Variants in MPHOSPH10 observed in about 807,000 individuals in gnomAD.
MPHOSPH10 encodes the protein M-phase phosphoprotein 10, also known as U3 small nucleolar ribonucleoprotein MPP10.
In MPHOSPH10, 33 loss-of-function variants were observed where a neutral mutation model predicts 77.3. That is an observed-to-expected ratio of 0.43 (90% confidence interval 0.32 to 0.57). MPHOSPH10 has a LOEUF of 0.57. MPHOSPH10 is among the 20% of genes least tolerant of loss of function. The probability of loss-of-function intolerance (pLI) is 0.07; values close to 1 mark genes in which losing one functional copy is unlikely to be tolerated. For missense variants in MPHOSPH10, 708 were observed against 780.1 expected (o/e 0.91, Z 1.10); for synonymous variants, 245 against 268.0 (o/e 0.91, Z 0.84).
chr2:71,143,900 T>A (rs1673658415), intron 7 of MPHOSPH10, among the ~76,000 whole-genome samples: 1 of 152,240 alleles, frequency 6.6e-6, no homozygotes, highest in African/African-American at 2.4e-5. Context: ...TAGTGCCATG[T>A]ACATGTATTT....
rs1323876382 is a variant in MPHOSPH10, at chr2:71,133,543, T to G, written c.735T>G (p.Asp245Glu). 6 of 1,606,434 alleles carry G rather than the reference T, an allele frequency of 3.7e-6. No homozygotes were observed. Among genetic ancestry groups the G allele is most frequent in the Non-Finnish European group, 5.1e-6 (6 of 1,177,328 alleles). ...DFFEDIDSDE[D>E]EGGLFGSKKL... is the part of the protein sequence containing the mutation. ...TTGAAGATATTGATTCTGATGAAGA[T>G]GAAGGGGGACTGTTTGGAAGTAAAA... Residue 245 changes from aspartate (D) to glutamate (E), a missense_variant, in exon 2 of 11, where the codon GAT becomes GAG. By Grantham distance (45) the Asp-to-Glu change is conservative. Around this residue, in one of 3 missense-constraint regions of MPHOSPH10, gnomAD observed 433 missense variants for 432.6 expected, o/e 1.00. Coordinates refer to ENST00000244230, the MANE Select transcript of MPHOSPH10 (RefSeq NM_005791.3).
chr2:71,138,476 T>C lies in MPHOSPH10; in HGVS notation c.1099-14T>C, dbSNP rs1219633770. The C allele has an allele frequency of 2.0e-6, 3 of 1,535,592 alleles. No individual in the cohort carries two copies. In the African/African-American group the frequency reaches 4.2e-5, roughly 22 times the overall value. On this transcript the variant is annotated splice_polypyrimidine_tract_variant and intron_variant, in intron 4 of 10. Coordinates refer to ENST00000244230, the MANE Select transcript of MPHOSPH10 (RefSeq NM_005791.3). ...TTTTCTAAATGTATACTAGTTATTT[T>C]ATCTCTTTCTTAGATGAATGAAAAA...
Position 71,133,402 on chromosome 2 carries a change from C to A in MPHOSPH10, c.594C>A (p.Ser198=). 6.2e-7 allele frequency: 1 copy of A among 1,613,988 alleles called. No individual in the cohort carries two copies. Among genetic ancestry groups the A allele is most frequent in the South Asian group, 1.1e-5 (1 of 91,054 alleles). The change falls in exon 2 of 11, where the codon TCC becomes TCA. Residue 198 remains serine (S), a synonymous_variant. Transcript: ENST00000244230. Reference sequence around the variant, plus strand: ...GACAGGGAAAACCAAGAGAAAAGTCCATAGTAGATGATAAATTCTTCAAAC... The same window carrying A: ...GACAGGGAAAACCAAGAGAAAAGTCAATAGTAGATGATAAATTCTTCAAAC... ...NKGQGKPREK[S]IVDDKFFKLS... is the part of the protein sequence containing the mutation.
chr2:71,147,677 GA>G lies in MPHOSPH10; in HGVS notation c.1558-311del, dbSNP rs557385218. Among the ~76,000 whole-genome samples the G allele has an allele frequency of 2.7e-4, 38 of 141,630 alleles. No homozygotes were observed. The South Asian group carries it at 4.3e-3, about 16-fold the overall frequency. The allele number at this position is 141,630 out of a possible 152,430, so 92.9% of individuals were successfully genotyped here. A position where few individuals can be genotyped will look rare whatever the true frequency, so the allele number is the denominator to read the frequency against. Reference sequence around the variant, plus strand: ...AACAGAGCAAGGCTCTGTCTCAAAAGAAAAAAAAAAAGAAAAAGAAATACAT... The same window carrying G: ...AACAGAGCAAGGCTCTGTCTCAAAAGAAAAAAAAAAGAAAAAGAAATACAT... On this transcript the variant is annotated intron_variant, in intron 8 of 10. Transcript: ENST00000244230.
At chr2:71,147,614 A>G (rs957956994) in intron 8 of MPHOSPH10, among the ~76,000 whole-genome samples, 5 of 152,082 alleles carry the variant, frequency 3.3e-5, no homozygotes, top group African/African-American at 9.7e-5. Flanking sequence ...GGGAGCTTGC[A>G]GTGAGCCGAG....
At position 71,133,135 on chromosome 2, in the gene MPHOSPH10, G is replaced by C; in HGVS notation, c.327G>C (p.Glu109Asp). ...INDEDISLLP[E>D]SEEQEREEDG... ...ATGAAGATATCAGTCTTCTCCCAGA[G>C]AGTGAAGAACAGGAACGTGAAGAGG... Residue 109 changes from glutamate (E) to aspartate (D), a missense_variant, in exon 2 of 11, where the codon GAG becomes GAC. By Grantham distance (45) the Glu-to-Asp change is conservative (BLOSUM62 2). Transcript: ENST00000244230. 13 of 1,614,128 alleles carry C rather than the reference G, an allele frequency of 8.1e-6. No individual in the cohort carries two copies. The highest frequency in any genetic ancestry group is 9.3e-6 in the Non-Finnish European group (11 of 1,180,002).
intron 5 of MPHOSPH10, 73 bp downstream of exon 5, chr2:71,138,704 TG>T: frequency 6.3e-7 from 1 of 1,590,796 alleles, no homozygotes; most frequent in Non-Finnish European, 8.6e-7. Flanking sequence ...AGATTTGGGG[TG>T]GTGTTTCTTT....
At chr2:71,142,363 C>T (rs1673629222) in intron 7 of MPHOSPH10, among the ~76,000 whole-genome samples, 1 of 152,190 alleles carries the variant, frequency 6.6e-6, no homozygotes, top group Non-Finnish European at 1.5e-5. Context: ...TGTACAGTTT[C>T]ATTTGAATCT....
In MPHOSPH10 at chr2:71,134,078, AAGC is replaced by A. The variant is rs1558752669; in HGVS notation, c.902_904del (p.Ala301del). ...GAAGATGATGAAATTGCTGAAGAAGAAGCAGAAGAACTAAGTATTTCGGAAACG... is the reference window on the plus strand; with the variant it reads ...GAAGATGATGAAATTGCTGAAGAAGAAGAAGAACTAAGTATTTCGGAAACG... On this transcript the variant is annotated inframe_deletion, in exon 3 of 11. Transcript: ENST00000244230. 6.2e-7 allele frequency: 1 copy of A among 1,608,470 alleles called. No homozygotes were observed. The highest frequency in any genetic ancestry group is 8.5e-7 in the Non-Finnish European group (1 of 1,177,814).
chr2:71,144,810 T>C lies in MPHOSPH10; in HGVS notation c.1557+272T>C, dbSNP rs556093560. On this transcript the variant is annotated intron_variant, in intron 8 of 10. Coordinates refer to ENST00000244230, the MANE Select transcript of MPHOSPH10 (RefSeq NM_005791.3). ...TACTGTTTTAACTTACCTCACACTT[T>C]AAAAGATCCTCAGCCGTAGCCACAG... Among the ~76,000 whole-genome samples, 7 of 152,184 alleles carry C rather than the reference T, an allele frequency of 4.6e-5. No individual in the cohort carries two copies. The East Asian group carries it at 1.2e-3, about 25-fold the overall frequency.
At chr2:71,135,985 G>A (rs748824819) in intron 4 of MPHOSPH10, among the ~76,000 whole-genome samples, 1 of 152,020 alleles carries the variant, frequency 6.6e-6, no homozygotes, top group Non-Finnish European at 1.5e-5. Context: ...GATTACAGGC[G>A]TGAGCCACTG....
intron 10 of MPHOSPH10, 103 bp downstream of exon 10, chr2:71,149,556 G>A: frequency 9.2e-7 from 1 of 1,081,478 alleles, no homozygotes; most frequent in South Asian, 1.5e-5. Context: ...CAGCCCACCT[G>A]CGGGATAGAG....
At chr2:71,135,561 T>G (rs1172997408) in intron 4 of MPHOSPH10, among the ~76,000 whole-genome samples, 1 of 151,936 alleles carries the variant, frequency 6.6e-6, no homozygotes, top group Non-Finnish European at 1.5e-5. Flanking sequence ...ATAAAAAAAT[T>G]TTTAAAGATA....
chr2:71,132,579 A>G (rs1448344871), intron 1 of MPHOSPH10, among the ~76,000 whole-genome samples: 1 of 152,262 alleles, frequency 6.6e-6, no homozygotes, highest in Non-Finnish European at 1.5e-5. Context: ...CATTGAATGA[A>G]TAAGTGAACA....
intron 8 of MPHOSPH10, among the ~76,000 whole-genome samples, chr2:71,146,543 A>G (rs1014286171): frequency 9.2e-5 from 14 of 151,922 alleles, no homozygotes; most frequent in Admixed American, 3.9e-4. Context: ...TCACCATGTT[A>G]GCCAGGCTGG....
chr2:71,147,666 C>G (rs1035219387), intron 8 of MPHOSPH10, among the ~76,000 whole-genome samples: 1 of 151,162 alleles, frequency 6.6e-6, no homozygotes, highest in African/African-American at 2.4e-5. Context: ...GAGCAAGGCT[C>G]TGTCTCAAAA....
chr2:71,133,436 A>G lies in MPHOSPH10; in HGVS notation c.628A>G (p.Met210Val). 1 of 1,614,132 alleles carries G rather than the reference A, an allele frequency of 6.2e-7. No individual in the cohort carries two copies. Among genetic ancestry groups the G allele is most frequent in the Non-Finnish European group, 8.5e-7 (1 of 1,179,996 alleles). The change falls in exon 2 of 11, where the codon ATG (methionine) becomes GTG (valine). Residue 210 changes from methionine to valine, a missense_variant. Coordinates refer to ENST00000244230, the MANE Select transcript of MPHOSPH10 (RefSeq NM_005791.3). ...TGATAAATTCTTCAAACTCTCTGAA[A>G]TGGAGGCCTATTTAGAAAACATAGA... ...VDDKFFKLSE[M>V]EAYLENIEKE...
intron 7 of MPHOSPH10, among the ~76,000 whole-genome samples, chr2:71,142,347 AG>A (rs1389813007): frequency 6.6e-6 from 1 of 152,210 alleles, no homozygotes; most frequent in African/African-American, 2.4e-5. Flanking sequence ...TAGCTGAAGG[AG>A]GATGTGTACA....
At chr2:71,144,559 G>A (rs1327910702) in intron 8 of MPHOSPH10, 21 bp downstream of exon 8, 8 of 1,555,946 alleles carry the variant, frequency 5.1e-6, no homozygotes, top group African/African-American at 1.4e-5. Context: ...TAACAGTTCA[G>A]TGTGTAGCTA....
Sources: allele counts gnomAD v4.1 joint callset (sites outside exome capture counted in the v4.1 genomes callset), GRCh38; gene constraint gnomAD v4.1.1; regional missense constraint gnomAD v4.1.1; transcripts MANE v1.5; gene names NCBI Gene and HGNC (gene_info 2026-07-23, HGNC 2026-07-21).